CRACD: variants seen among roughly 807,000 people sequenced by gnomAD.
CRACD encodes the protein capping protein-inhibiting regulator of actin dynamics.
A neutral mutation model predicts 106.8 loss-of-function variants in CRACD; 56 were observed. The observed-to-expected ratio is 0.52, with a 90% confidence interval of 0.42 to 0.66. The LOEUF (loss-of-function observed/expected upper bound fraction) is 0.66. Ranked by LOEUF, CRACD falls within the 30% of genes least tolerant of loss-of-function variation. The pLI, the probability that CRACD is intolerant of heterozygous loss-of-function variation, is 0.00. For synonymous variants in CRACD, 754 were observed against 670.8 expected (o/e 1.12, Z -1.92); for missense variants, 1,730 against 1,623.2 (o/e 1.07, Z -1.13).
At chr4:56,202,942 T>C (rs1264612363) in intron 2 of CRACD, among the ~76,000 whole-genome samples, 1 of 152,162 alleles carries the variant, frequency 6.6e-6, no homozygotes, top group Non-Finnish European at 1.5e-5. Flanking sequence ...ACTACAAGAG[T>C]TTGCTTCACC....
At chr4:56,199,720 C>G (rs1044277536) in intron 2 of CRACD, among the ~76,000 whole-genome samples, 6 of 150,622 alleles carry the variant, frequency 4.0e-5, no homozygotes, top group Non-Finnish European at 5.9e-5. Flanking sequence ...AAAAAGAGAA[C>G]CTAATATTTC....
intron 1 of CRACD, among the ~76,000 whole-genome samples, chr4:56,096,042 T>C (rs1733590331): frequency 6.6e-6 from 1 of 152,070 alleles, no homozygotes; most frequent in Admixed American, 6.6e-5. Flanking sequence ...TGGTTTGGTA[T>C]ATATTGAGGT....
intron 2 of CRACD, among the ~76,000 whole-genome samples, chr4:56,267,173 T>C (rs1307846700): frequency 1.3e-5 from 2 of 152,118 alleles, no homozygotes; most frequent in African/African-American, 4.8e-5. Flanking sequence ...CGGGCTGGAT[T>C]GCAGTGGTGC....
At chr4:56,218,884 T>C (rs1286204032) in intron 2 of CRACD, among the ~76,000 whole-genome samples, 1 of 152,204 alleles carries the variant, frequency 6.6e-6, no homozygotes, top group Non-Finnish European at 1.5e-5. Flanking sequence ...GTTCTTCTCA[T>C]TTATTTTGGG....
intron 4 of CRACD, among the ~76,000 whole-genome samples, chr4:56,302,819 C>T (rs1292058043): frequency 6.6e-6 from 1 of 152,180 alleles, no homozygotes; most frequent in African/African-American, 2.4e-5. Context: ...CTCGGCATTT[C>T]CACATTGTAG....
chr4:56,145,216 T>C (rs936807135), intron 1 of CRACD, among the ~76,000 whole-genome samples: 4 of 152,252 alleles, frequency 2.6e-5, no homozygotes, highest in Non-Finnish European at 5.9e-5. Context: ...TATTTTCTCA[T>C]TGATTCTTGA....
chr4:56,243,250 T>C (rs1319682165), intron 2 of CRACD, among the ~76,000 whole-genome samples: 1 of 152,194 alleles, frequency 6.6e-6, no homozygotes, highest in African/African-American at 2.4e-5. Context: ...AAGAGTAGGC[T>C]GTGGATGTGG....
At position 56,118,560 on chromosome 4, in the gene CRACD, G is replaced by A. The variant is rs114573458; in HGVS notation, c.-335-60724G>A. On this transcript the variant is annotated intron_variant, in intron 1 of 10. Transcript: ENST00000682029. ...TCATTGCAATGGATGATTAGGAAGCGCAGAGTTTCACTTTGGTTTTGTTCA... is the reference window on the plus strand; with the variant it reads ...TCATTGCAATGGATGATTAGGAAGCACAGAGTTTCACTTTGGTTTTGTTCA... Among the ~76,000 whole-genome samples the A allele has an allele frequency of 5.4e-3, 823 of 152,214 alleles. 9 individuals are homozygous for A. Among genetic ancestry groups the A allele is most frequent in the African/African-American group, 0.018 (767 of 41,518 alleles).
Position 56,298,350 on chromosome 4 carries a change from G to A in CRACD, c.120+1G>A. On this transcript the variant is annotated splice_donor_variant, in intron 4 of 10. Coordinates refer to ENST00000682029, the MANE Select transcript of CRACD (RefSeq NM_001393381.1). LOFTEE classifies it high-confidence loss of function. ...CCTGGGCAAAGTCAAAACTCTTCAGGTAAGACAGCTTGAGAGTGGAATTAC... is the reference window on the plus strand; with the variant it reads ...CCTGGGCAAAGTCAAAACTCTTCAGATAAGACAGCTTGAGAGTGGAATTAC... 6.2e-7 allele frequency: 1 copy of A among 1,613,906 alleles called. No homozygotes were observed. The highest frequency in any genetic ancestry group is 8.5e-7 in the Non-Finnish European group (1 of 1,179,930).
intron 3 of CRACD, among the ~76,000 whole-genome samples, chr4:56,288,931 T>A (rs982915195): frequency 3.6e-4 from 55 of 152,358 alleles, no homozygotes; most frequent in African/African-American, 1.3e-3. Flanking sequence ...ATGGAATTAT[T>A]CATTCTTAAA....
intron 2 of CRACD, among the ~76,000 whole-genome samples, chr4:56,237,887 A>G (rs1740081421): frequency 1.3e-5 from 2 of 151,908 alleles, no homozygotes; most frequent in African/African-American, 4.8e-5. Flanking sequence ...CCAGCAATAT[A>G]TACTTTCATA....
intron 4 of CRACD, chr4:56,301,254 C>G: frequency 7.8e-7 from 1 of 1,283,860 alleles, no homozygotes; most frequent in Middle Eastern, 2.1e-4. Flanking sequence ...CCTGGTAAGT[C>G]GTAGAAGTGA....
chr4:56,116,369 C>T (rs1017546647), intron 1 of CRACD, among the ~76,000 whole-genome samples: 1 of 152,176 alleles, frequency 6.6e-6, no homozygotes, highest in Non-Finnish European at 1.5e-5. Flanking sequence ...TGTTTGTCTT[C>T]ATTTCTATGG....
intron 1 of CRACD, among the ~76,000 whole-genome samples, chr4:56,144,313 T>C (rs1264915688): frequency 6.6e-6 from 1 of 152,150 alleles, no homozygotes; most frequent in East Asian, 1.9e-4. Context: ...GGAGGAGCCA[T>C]GAAAGGATTT....
At position 56,153,688 on chromosome 4, in the gene CRACD, T is replaced by C. The variant is rs80206721; in HGVS notation, c.-335-25596T>C. Among the ~76,000 whole-genome samples the C allele has an allele frequency of 0.027, 4,090 of 152,296 alleles. 506 individuals are homozygous for C. In the East Asian group the frequency reaches 0.39, roughly 15 times the overall value. Reference sequence around the variant, plus strand: ...TCAAAATGAAATGTAAAGTCCCCCATGATCTGACTTGTATTTCGTTCTTCA... The same window carrying C: ...TCAAAATGAAATGTAAAGTCCCCCACGATCTGACTTGTATTTCGTTCTTCA... On this transcript the variant is annotated intron_variant, in intron 1 of 10. Transcript: ENST00000682029.
At chr4:56,183,235 A>AAAAATAAAATAAAATAAAAT (rs201101283) in intron 2 of CRACD, among the ~76,000 whole-genome samples, 17,240 of 124,194 alleles carry the variant, frequency 0.14, 1,560 homozygotes, top group South Asian at 0.16. Context: ...CTCCGTCTCA[A>AAAAATAAAATAAAATAAAAT]AAAATAAAAT....
At chr4:56,081,249 A>G (rs764027251) in intron 1 of CRACD, among the ~76,000 whole-genome samples, 24 of 152,332 alleles carry the variant, frequency 1.6e-4, no homozygotes, top group Non-Finnish European at 2.6e-4. Context: ...TGGAGAATGT[A>G]TCATGAATAG....
intron 3 of CRACD, among the ~76,000 whole-genome samples, chr4:56,293,595 G>T (rs1311078157): frequency 6.6e-6 from 1 of 152,154 alleles, no homozygotes; most frequent in East Asian, 1.9e-4. Flanking sequence ...CTTCTAAGGA[G>T]GCCTCAAGAA....
chr4:56,236,799 A>G (rs1001766846), intron 2 of CRACD, among the ~76,000 whole-genome samples: 1 of 152,180 alleles, frequency 6.6e-6, no homozygotes, highest in Non-Finnish European at 1.5e-5. Context: ...TAAAAAGCCA[A>G]CAGAAAAAAA....
Sources: allele counts gnomAD v4.1 joint callset (sites outside exome capture counted in the v4.1 genomes callset), GRCh38; gene constraint gnomAD v4.1.1; transcripts MANE v1.5; gene names NCBI Gene and HGNC (gene_info 2026-07-23, HGNC 2026-07-21).